ATL2: variants seen among roughly 807,000 people sequenced by gnomAD.
The protein encoded by ATL2 is atlastin-2.
A neutral mutation model predicts 73.9 loss-of-function variants in ATL2; 31 were observed. The observed-to-expected ratio is 0.42, with a 90% CI of 0.32 to 0.57. ATL2 has a LOEUF of 0.57. Ranked by LOEUF, ATL2 falls within the 20% of genes least tolerant of loss-of-function variation. ATL2 has a pLI of 0.14. For missense variants in ATL2, 738 were observed against 702.6 expected (o/e 1.05, Z -0.57); for synonymous variants, 291 against 237.5 (o/e 1.23, Z -2.07).
At chr2:38,376,893 C>A (rs942004478) in intron 1 of ATL2, among the ~76,000 whole-genome samples, 2 of 150,524 alleles carry the variant, frequency 1.3e-5, no homozygotes, top group African/African-American at 4.8e-5. Flanking sequence ...GGGCCGGTCG[C>A]AGACGCGCGC....
intron 1 of ATL2, among the ~76,000 whole-genome samples, chr2:38,373,440 A>T (rs1240120454): frequency 6.6e-6 from 1 of 152,212 alleles, no homozygotes; most frequent in Non-Finnish European, 1.5e-5. Context: ...TAGCTTAGCA[A>T]GGGAATCCCC....
At chr2:38,302,111 G>A (rs1344322350) in intron 9 of ATL2, among the ~76,000 whole-genome samples, 1 of 152,110 alleles carries the variant, frequency 6.6e-6, no homozygotes. Flanking sequence ...TGTCTTGAGG[G>A]GTATGACCAA....
In ATL2 at chr2:38,300,298, G is replaced by T. The variant is rs1393199630; in HGVS notation, c.1102C>A (p.Leu368Ile). The T allele has an allele frequency of 6.2e-7, 1 of 1,608,052 alleles. No homozygotes were observed. The highest frequency in any genetic ancestry group is 1.3e-5 in the African/African-American group (1 of 74,848). The change falls in exon 10 of 13, where the codon CTT (leucine) becomes ATT (isoleucine). Residue 368 changes from leucine to isoleucine, a missense_variant. Physicochemically the swap from Leu to Ile is conservative, Grantham distance 5 (BLOSUM62 2). Coordinates refer to ENST00000378954, the MANE Select transcript of ATL2 (RefSeq NM_001135673.4). ...TGAAGCATGGACTTTGGATGTGGAAGTTCTTCTCCTTGATAGATTTTGATG... is the reference window on the plus strand; with the variant it reads ...TGAAGCATGGACTTTGGATGTGGAATTTCTTCTCCTTGATAGATTTTGATG... ...AYIKIYQGEE[L>I]PHPKSMLQAT... is the part of the protein sequence containing the mutation.
At chr2:38,335,005 T>C (rs1669271362) in intron 2 of ATL2, among the ~76,000 whole-genome samples, 1 of 143,172 alleles carries the variant, frequency 7.0e-6, no homozygotes, top group South Asian at 2.1e-4. Context: ...AAATAGTTTA[T>C]GAGCAAATGA....
intron 1 of ATL2, among the ~76,000 whole-genome samples, chr2:38,373,013 A>G (rs1321959331): frequency 6.8e-6 from 1 of 147,848 alleles, no homozygotes; most frequent in East Asian, 1.9e-4. Flanking sequence ...ACATTCTTAC[A>G]TATATGTTAC....
At position 38,296,898 on chromosome 2, in the gene ATL2, T is replaced by C. The variant is rs1462495498; in HGVS notation, c.1633-785A>G. Among the ~76,000 whole-genome samples, 3 of 152,202 alleles carry C rather than the reference T, an allele frequency of 2.0e-5. No homozygotes were observed. The East Asian group carries it at 5.8e-4, about 29-fold the overall frequency. On this transcript the variant is annotated intron_variant, in intron 12 of 12. Coordinates refer to ENST00000378954, the MANE Select transcript of ATL2 (RefSeq NM_001135673.4). The stretch of plus-strand genomic sequence containing the variant: ...CAATGCTGTTTAAGAGATGAATATT[T>C]CTCAAAAGAAGATATTGTACAATTA...
chr2:38,319,322 G>T (rs1668193564), intron 2 of ATL2, among the ~76,000 whole-genome samples: 1 of 152,146 alleles, frequency 6.6e-6, no homozygotes, highest in South Asian at 2.1e-4. Flanking sequence ...ATCCTGGCTG[G>T]GCATGACAGC....
intron 1 of ATL2, 30 bp from the exon 2 acceptor site, chr2:38,343,542 C>T (rs1208339043): frequency 6.3e-7 from 1 of 1,575,384 alleles, no homozygotes. Flanking sequence ...AAACTGGTTA[C>T]TTTAATCCCT....
chr2:38,367,355 G>C (rs1671388584), intron 1 of ATL2, among the ~76,000 whole-genome samples: 1 of 151,452 alleles, frequency 6.6e-6, no homozygotes, highest in Non-Finnish European at 1.5e-5. Context: ...TATAATCTCA[G>C]CACTTTGGGA....
At chr2:38,296,784 T>C (rs1666919140) in intron 12 of ATL2, 21 of 1,532,966 alleles carry the variant, frequency 1.4e-5, no homozygotes, top group Non-Finnish European at 1.8e-5. Flanking sequence ...CTGATTACCT[T>C]ACCTAAACTA....
chr2:38,347,446 T>G (rs2124423702), intron 1 of ATL2, among the ~76,000 whole-genome samples: 1 of 152,322 alleles, frequency 6.6e-6, no homozygotes, highest in East Asian at 1.9e-4. Context: ...AGCTCAAATG[T>G]TATCTCCTCA....
In ATL2 at chr2:38,318,971, T is replaced by C. The variant is rs367944951; in HGVS notation, c.412A>G (p.Thr138Ala). 6.8e-6 allele frequency: 11 copies of C among 1,613,946 alleles called. No individual in the cohort carries two copies. The African/African-American group carries it at 1.5e-4, about 22-fold the overall frequency. ...GGNNEPLTGF[T>A]WRGGCERETT... Reference sequence around the variant, plus strand: ...TCTCTTTCACAGCCACCTCGCCATGTAAAGCCTGTCAATGGTTCATTGTTT... The same window carrying C: ...TCTCTTTCACAGCCACCTCGCCATGCAAAGCCTGTCAATGGTTCATTGTTT... The change falls in exon 3 of 13, where the codon ACA (threonine) becomes GCA (alanine). Residue 138 changes from threonine (T) to alanine (A), a missense_variant. Coordinates refer to ENST00000378954, the MANE Select transcript of ATL2 (RefSeq NM_001135673.4).
rs1163998904 is a variant in ATL2, at chr2:38,329,082, A to AACAAACTACC, written c.364-10073_364-10064dup. Among the ~76,000 whole-genome samples, 40 of 151,376 alleles carry AACAAACTACC rather than the reference A, an allele frequency of 2.6e-4. 1 individual carries two copies. The highest frequency in any genetic ancestry group is 9.5e-4 in the African/African-American group (39 of 41,198). ...TGAAATGGAGCAATTCTTGGAAAGA[A>AACAAACTACC]ACAAACTACCAAACTCACACAAGGA... On this transcript the variant is annotated intron_variant, in intron 2 of 12. Coordinates refer to ENST00000378954, the MANE Select transcript of ATL2 (RefSeq NM_001135673.4).
chr2:38,297,695 C>T (rs1383012534), intron 12 of ATL2, among the ~76,000 whole-genome samples: 5 of 152,196 alleles, frequency 3.3e-5, no homozygotes, highest in Non-Finnish European at 5.9e-5. Context: ...CTACCATCTT[C>T]ATGGAAGGCA....
intron 1 of ATL2, among the ~76,000 whole-genome samples, chr2:38,358,226 T>C (rs1277799163): frequency 1.3e-5 from 2 of 152,264 alleles, no homozygotes; most frequent in East Asian, 3.9e-4. Context: ...TAAAATAAAA[T>C]TTTCAAGGAA....
At chr2:38,334,890 T>TA (rs370587680) in intron 2 of ATL2, among the ~76,000 whole-genome samples, 7 of 28,468 alleles carry the variant, frequency 2.5e-4, no homozygotes, top group East Asian at 4.9e-3. Flanking sequence ...ATATAATATA[T>TA]AATATATATT....
intron 9 of ATL2, among the ~76,000 whole-genome samples, chr2:38,304,019 C>T (rs1430155859): frequency 6.6e-6 from 1 of 152,090 alleles, no homozygotes; most frequent in Non-Finnish European, 1.5e-5. Flanking sequence ...ATCTCAGCAC[C>T]TTGGCAGGCT....
chr2:38,295,438 G>A lies in ATL2; in HGVS notation c.*556C>T, dbSNP rs1198170372. 6.6e-6 allele frequency: 1 copy of A among 152,172 alleles called. No homozygotes were observed. The highest frequency in any genetic ancestry group is 2.4e-5 in the African/African-American group (1 of 41,428). 9.4% of individuals were successfully genotyped at this position (152,172 alleles called of 1,614,324 possible). A position where few individuals can be genotyped will look rare whatever the true frequency, so the allele number is the denominator to read the frequency against. On this transcript the variant is annotated 3_prime_UTR_variant, in exon 13 of 13. Coordinates refer to ENST00000378954, the MANE Select transcript of ATL2 (RefSeq NM_001135673.4). ...AAAGGCAAGACAAATGTACACCTCAGAATTACTTTCTTAGCTACAAGAGTT... is the reference window on the plus strand; with the variant it reads ...AAAGGCAAGACAAATGTACACCTCAAAATTACTTTCTTAGCTACAAGAGTT...
intron 1 of ATL2, among the ~76,000 whole-genome samples, chr2:38,346,821 C>T (rs1670043127): frequency 1.3e-5 from 2 of 152,078 alleles, no homozygotes; most frequent in Admixed American, 1.3e-4. Context: ...GGTTGGGAAC[C>T]CCAGGTTTAA....
Sources: gnomAD v4.1 joint callset for allele counts (sites outside exome capture counted in the v4.1 genomes callset) on GRCh38, gnomAD v4.1.1 for gene constraint, MANE v1.5 for transcripts, NCBI Gene and HGNC (gene_info 2026-07-23, HGNC 2026-07-21) for gene names.